The following PCMTD1 variants were observed in gnomAD, a reference collection of about 807,000 sequenced individuals.
The protein encoded by PCMTD1 is protein-L-isoaspartate O-methyltransferase domain-containing protein 1.
A neutral mutation model predicts 37.6 loss-of-function variants in PCMTD1; 12 were observed. That is an observed-to-expected ratio of 0.32 (90% confidence interval 0.20 to 0.52). PCMTD1 has a LOEUF of 0.52. PCMTD1 is among the 20% of genes least tolerant of loss of function. PCMTD1 has a pLI of 0.97. For missense variants in PCMTD1, 235 were observed against 421.3 expected, an observed-to-expected ratio of 0.56 and a Z score of 3.87; for synonymous variants, 117 against 135.8, an observed-to-expected ratio of 0.86 and a Z score of 0.96.
At chr8:51,822,887 T>C (rs952885861) in intron 5 of PCMTD1, among the ~76,000 whole-genome samples, 11 of 152,250 alleles carry the variant, frequency 7.2e-5, no homozygotes, top group African/African-American at 2.4e-4. Context: ...ATAGAAACTA[T>C]ATCAGTCTTT....
At chr8:51,866,923 T>C (rs1252711036) in intron 1 of PCMTD1, among the ~76,000 whole-genome samples, 5 of 151,936 alleles carry the variant, frequency 3.3e-5, no homozygotes, top group South Asian at 2.1e-4. Flanking sequence ...CGATAAAGGA[T>C]TGCAACCCAT....
intron 1 of PCMTD1, among the ~76,000 whole-genome samples, chr8:51,867,497 G>T (rs973110439): frequency 2.9e-5 from 3 of 102,408 alleles, no homozygotes; most frequent in Admixed American, 9.3e-5. Context: ...GTGTGTGTGT[G>T]TGTGTGTGTG....
intron 1 of PCMTD1, among the ~76,000 whole-genome samples, chr8:51,886,566 C>T (rs2038867296): frequency 6.6e-6 from 1 of 152,104 alleles, no homozygotes; most frequent in Non-Finnish European, 1.5e-5. Flanking sequence ...CAGGTGCCCC[C>T]AAGATTCTAC....
At chr8:51,821,031 A>T (rs953191915) in intron 5 of PCMTD1, among the ~76,000 whole-genome samples, 1 of 152,222 alleles carries the variant, frequency 6.6e-6, no homozygotes, top group South Asian at 2.1e-4. Context: ...TTAGGAGACA[A>T]GACCAGGAGA....
intron 1 of PCMTD1, among the ~76,000 whole-genome samples, chr8:51,883,978 C>T (rs147464835): frequency 2.4e-3 from 359 of 152,206 alleles, no homozygotes; most frequent in Non-Finnish European, 4.1e-3. Context: ...TTATCTAGTT[C>T]GCTGTCATGC....
intron 1 of PCMTD1, among the ~76,000 whole-genome samples, chr8:51,863,776 A>G (rs2038509655): frequency 6.6e-6 from 1 of 152,046 alleles, no homozygotes; most frequent in Non-Finnish European, 1.5e-5. Context: ...ACAAAAAAAA[A>G]TTTAGCTGGG....
chr8:51,827,005 TATTTTTGGG>T (rs1157073619), intron 5 of PCMTD1: 13 of 954,488 alleles, frequency 1.4e-5, no homozygotes, highest in African/African-American at 1.8e-5. Context: ...ATATATATAT[TATTTTTGGG>T]ATTTTTGGAG....
chr8:51,870,695 G>A (rs1240093701), intron 1 of PCMTD1, among the ~76,000 whole-genome samples: 1 of 152,152 alleles, frequency 6.6e-6, no homozygotes, highest in Non-Finnish European at 1.5e-5. Context: ...TCCTGTCTGT[G>A]AAGCTATGAA....
intron 1 of PCMTD1, among the ~76,000 whole-genome samples, chr8:51,894,399 C>A (rs2038973370): frequency 6.6e-6 from 1 of 152,132 alleles, no homozygotes; most frequent in African/African-American, 2.4e-5. Flanking sequence ...GGATCAGGAG[C>A]CACTCAGCAG....
At chr8:51,897,561 T>G (rs1469276788) in intron 1 of PCMTD1, among the ~76,000 whole-genome samples, 1 of 152,262 alleles carries the variant, frequency 6.6e-6, no homozygotes, top group African/African-American at 2.4e-5. Flanking sequence ...AGCAACTTTA[T>G]GTTTTATGGA....
intron 5 of PCMTD1, among the ~76,000 whole-genome samples, chr8:51,829,598 C>T (rs528017358): frequency 3.3e-5 from 5 of 152,140 alleles, no homozygotes; most frequent in African/African-American, 9.6e-5. Context: ...TTGTGAAACC[C>T]GGTCTCTACT....
intron 3 of PCMTD1, among the ~76,000 whole-genome samples, chr8:51,840,365 C>T (rs1198037436): frequency 6.6e-6 from 1 of 152,050 alleles, no homozygotes; most frequent in Non-Finnish European, 1.5e-5. Context: ...AACATATAAC[C>T]GATAGTCCTG....
intron 1 of PCMTD1, among the ~76,000 whole-genome samples, chr8:51,872,702 A>G (rs1404729775): frequency 6.6e-6 from 1 of 152,212 alleles, no homozygotes; most frequent in African/African-American, 2.4e-5. Context: ...GAATATAAGA[A>G]TATTCCAAAG....
At chr8:51,835,969 C>T (rs1409136631) in intron 3 of PCMTD1, among the ~76,000 whole-genome samples, 1 of 152,220 alleles carries the variant, frequency 6.6e-6, no homozygotes, top group African/African-American at 2.4e-5. Context: ...ACTAATTGCA[C>T]ACTTCCTTCA....
intron 3 of PCMTD1, among the ~76,000 whole-genome samples, chr8:51,838,326 AT>A (rs1291956989): frequency 4.0e-5 from 6 of 150,274 alleles, no homozygotes; most frequent in South Asian, 2.1e-4. Flanking sequence ...GTCTCTACAA[AT>A]TTTTTTTTTA....
chr8:51,826,606 T>C (rs760112144), intron 5 of PCMTD1, among the ~76,000 whole-genome samples: 13 of 152,206 alleles, frequency 8.5e-5, no homozygotes, highest in Non-Finnish European at 1.6e-4. Flanking sequence ...TCCCAAAAGG[T>C]AGGCTGTATG....
intron 1 of PCMTD1, among the ~76,000 whole-genome samples, chr8:51,894,632 G>A (rs1563367073): frequency 6.6e-6 from 1 of 152,142 alleles, no homozygotes; most frequent in Admixed American, 6.5e-5. Context: ...CTTGTCATCA[G>A]GCAGGGAACA....
intron 3 of PCMTD1, among the ~76,000 whole-genome samples, chr8:51,840,231 G>A (rs2038126885): frequency 6.6e-6 from 1 of 152,166 alleles, no homozygotes; most frequent in Non-Finnish European, 1.5e-5. Flanking sequence ...TACAGGAAAT[G>A]TGACAGGTAA....
chr8:51,892,684 A>T (rs1272926806), intron 1 of PCMTD1, among the ~76,000 whole-genome samples: 1 of 152,254 alleles, frequency 6.6e-6, no homozygotes, highest in Non-Finnish European at 1.5e-5. Context: ...GTAGCTATCT[A>T]TAATATACTC....
Sources: gnomAD v4.1 joint callset for allele counts (sites outside exome capture counted in the v4.1 genomes callset) on GRCh38, gnomAD v4.1.1 for gene constraint, MANE v1.5 for transcripts, NCBI Gene and HGNC (gene_info 2026-07-23, HGNC 2026-07-21) for gene names.